Variants in CPNE8 observed in about 807,000 individuals in gnomAD.
The protein encoded by CPNE8 is copine 8, also known as copine-8.
CPNE8 carries 45 observed loss-of-function variants against 81.5 expected under a neutral mutation model. That is an observed-to-expected ratio of 0.55 (90% CI 0.44 to 0.71). The LOEUF (loss-of-function observed/expected upper bound fraction) is 0.71, where lower values mean the gene tolerates loss of function less well. Among genes scored for constraint, CPNE8 ranks in the 30% least tolerant of loss-of-function variants. CPNE8 has a pLI of 0.00. For missense variants in CPNE8, 594 were observed against 672.1 expected (o/e 0.88, Z 1.28); for synonymous variants, 252 against 226.3 (o/e 1.11, Z -1.02).
In CPNE8 at chr12:38,693,726, T is replaced by C; in HGVS notation, c.1074A>G (p.Lys358=). ...CACCAAATCCTAGAGCTGGAAACAT[T>C]TTATCACTGTCATAATCTTGAACAA... is the stretch of plus-strand genomic sequence containing the variant. ...GEIVQDYDSD[K]MFPALGFGAK... Residue 358 remains lysine (K), a synonymous_variant, in exon 15 of 20, where the codon AAA becomes AAG. Coordinates refer to ENST00000331366, the MANE Select transcript of CPNE8 (RefSeq NM_153634.3). 6.2e-7 allele frequency: 1 copy of C among 1,613,670 alleles called. No homozygotes were observed. The highest frequency in any genetic ancestry group is 8.5e-7 in the Non-Finnish European group (1 of 1,179,738).
intron 9 of CPNE8, 27 bp downstream of exon 9, chr12:38,762,085 G>A (rs1277037350): frequency 1.7e-6 from 2 of 1,159,914 alleles, no homozygotes; most frequent in Non-Finnish European, 1.2e-6. Flanking sequence ...GTTATTTGAA[G>A]ATTTTTGAAT....
chr12:38,685,070 C>T (rs928238952), intron 16 of CPNE8, among the ~76,000 whole-genome samples: 9 of 152,088 alleles, frequency 5.9e-5, no homozygotes, highest in Non-Finnish European at 1.0e-4. Context: ...CCCTATATGT[C>T]GTTGACAGCT....
chr12:38,766,049 AG>A (rs1941680436), intron 8 of CPNE8, among the ~76,000 whole-genome samples: 1 of 152,004 alleles, frequency 6.6e-6, no homozygotes, highest in African/African-American at 2.4e-5. Context: ...TAGTAGAGAC[AG>A]GGTTTCACCA....
chr12:38,821,121 T>TA (rs1302116447), intron 6 of CPNE8, among the ~76,000 whole-genome samples: 4 of 152,232 alleles, frequency 2.6e-5, no homozygotes, highest in Admixed American at 2.6e-4. Context: ...GCATTTATGA[T>TA]AAAGTTTAAA....
chr12:38,796,852 G>A (rs551874250), intron 6 of CPNE8, among the ~76,000 whole-genome samples: 22 of 152,158 alleles, frequency 1.4e-4, no homozygotes, highest in South Asian at 8.3e-4. Context: ...CTAATACTGC[G>A]CTTTTCCGAC....
intron 4 of CPNE8, among the ~76,000 whole-genome samples, chr12:38,844,319 C>T (rs150167088): frequency 1.4e-4 from 21 of 152,258 alleles, no homozygotes; most frequent in African/African-American, 5.1e-4. Context: ...GCTATCCACA[C>T]TTCCTGCTCA....
chr12:38,805,797 A>G, intron 6 of CPNE8, among the ~76,000 whole-genome samples: 1 of 149,830 alleles, frequency 6.7e-6, no homozygotes, highest in East Asian at 2.2e-4. Context: ...AACCCTTCCA[A>G]AAATCAATGA....
chr12:38,841,780 A>G (rs1943471250), intron 4 of CPNE8, among the ~76,000 whole-genome samples: 1 of 152,164 alleles, frequency 6.6e-6, no homozygotes, highest in East Asian at 1.9e-4. Flanking sequence ...TCCATGATAA[A>G]ACTTAAAATA....
At chr12:38,755,912 C>T (rs1167609842) in intron 10 of CPNE8, among the ~76,000 whole-genome samples, 1 of 150,698 alleles carries the variant, frequency 6.6e-6, no homozygotes, top group East Asian at 2.0e-4. Flanking sequence ...TAGTGGCGGG[C>T]GCCTGTAGTC....
At chr12:38,789,134 G>A (rs1264847826) in intron 6 of CPNE8, among the ~76,000 whole-genome samples, 1 of 151,618 alleles carries the variant, frequency 6.6e-6, no homozygotes, top group East Asian at 1.9e-4. Flanking sequence ...AAAAGACCCA[G>A]AATAGCCAAA....
At chr12:38,893,186 G>C (rs1190161277) in intron 1 of CPNE8, among the ~76,000 whole-genome samples, 2 of 152,184 alleles carry the variant, frequency 1.3e-5, no homozygotes, top group Non-Finnish European at 2.9e-5. Context: ...GTTTGAACCA[G>C]AGCAACTCCA....
intron 10 of CPNE8, among the ~76,000 whole-genome samples, chr12:38,736,981 C>T (rs1312125276): frequency 6.6e-6 from 1 of 151,990 alleles, no homozygotes; most frequent in Admixed American, 6.6e-5. Context: ...AACTCACATA[C>T]TTTGTCTCTG....
chr12:38,774,256 T>C (rs1351602910), intron 7 of CPNE8, among the ~76,000 whole-genome samples: 1 of 152,150 alleles, frequency 6.6e-6, no homozygotes, highest in Non-Finnish European at 1.5e-5. Context: ...ATGACACATT[T>C]ACATAAAATC....
rs1421965482 is a variant in CPNE8, at chr12:38,775,721, TC to T, written c.471+516del. ...AATACAGAGTATGCACTCTCTGTAG[TC>T]ATACTGCTAGCTGTAGTGGCAGCTA... On this transcript the variant is annotated intron_variant, in intron 7 of 19. Transcript: ENST00000331366. Among the ~76,000 whole-genome samples, 6 of 152,190 alleles carry T rather than the reference TC, an allele frequency of 3.9e-5. No homozygotes were observed. The East Asian group carries it at 7.7e-4, about 20-fold the overall frequency.
At chr12:38,671,830 G>T (rs1294972609) in intron 18 of CPNE8, among the ~76,000 whole-genome samples, 2 of 151,952 alleles carry the variant, frequency 1.3e-5, no homozygotes, top group African/African-American at 4.8e-5. Context: ...CAATGCTTGG[G>T]CTGAAACGCT....
Position 38,848,678 on chromosome 12 carries a change from G to A in CPNE8, c.187-16C>T, listed in dbSNP as rs377552587. The A allele has an allele frequency of 1.3e-6, 2 of 1,575,340 alleles. No homozygotes were observed. The highest frequency in any genetic ancestry group is 1.7e-6 in the Non-Finnish European group (2 of 1,166,646). ...TTCTTCCAAACTGTGGAAAGAGAGAGAGAATTTAAAATTAAACCTTGTACG... is the reference window on the plus strand; with the variant it reads ...TTCTTCCAAACTGTGGAAAGAGAGAAAGAATTTAAAATTAAACCTTGTACG... On this transcript the variant is annotated splice_polypyrimidine_tract_variant and intron_variant, in intron 3 of 19. Coordinates refer to ENST00000331366, the MANE Select transcript of CPNE8 (RefSeq NM_153634.3).
intron 15 of CPNE8, among the ~76,000 whole-genome samples, chr12:38,689,941 T>A (rs532027920): frequency 9.8e-5 from 15 of 152,354 alleles, no homozygotes; most frequent in Admixed American, 3.3e-4. Flanking sequence ...TAGGAAATTC[T>A]TCCTTTCCTC....
intron 6 of CPNE8, among the ~76,000 whole-genome samples, chr12:38,799,199 C>A (rs1044666977): frequency 6.6e-6 from 1 of 152,098 alleles, no homozygotes; most frequent in African/African-American, 2.4e-5. Flanking sequence ...CCAAGGGGAC[C>A]TAATAGACAT....
intron 10 of CPNE8, among the ~76,000 whole-genome samples, chr12:38,757,023 G>GT (rs1160851934): frequency 6.6e-6 from 1 of 151,956 alleles, no homozygotes; most frequent in Non-Finnish European, 1.5e-5. Flanking sequence ...AATCTCACTG[G>GT]TTTATTTTTA....
Sources: allele counts gnomAD v4.1 joint callset (sites outside exome capture counted in the v4.1 genomes callset), GRCh38; gene constraint gnomAD v4.1.1; transcripts MANE v1.5; gene names NCBI Gene and HGNC (gene_info 2026-07-23, HGNC 2026-07-21).